Variants in PLA2G5 observed in about 807,000 individuals in gnomAD.
PLA2G5 encodes the protein Ca2+-dependent phospholipase A2.
A neutral mutation model predicts 15.9 loss-of-function variants in PLA2G5; 12 were observed. The ratio of observed to expected loss-of-function variants is 0.76; its 90% CI spans 0.48 to 1.23. The LOEUF is 1.23. Among genes scored for constraint, PLA2G5 ranks in the 50% most tolerant of loss-of-function variants. The pLI is 0.00. For synonymous variants in PLA2G5, 71 were observed against 71.4 expected, an observed-to-expected ratio of 0.99 and a Z score of 0.03; for missense variants, 169 against 177.1, an observed-to-expected ratio of 0.95 and a Z score of 0.26.
At chr1:20,080,990 T>G (rs1393875677) in intron 1 of PLA2G5, among the ~76,000 whole-genome samples, 1 of 151,862 alleles carries the variant, frequency 6.6e-6, no homozygotes, top group Non-Finnish European at 1.5e-5. Flanking sequence ...GCAATGAGGC[T>G]CCGCACTGTG....
intron 1 of PLA2G5, among the ~76,000 whole-genome samples, chr1:20,051,779 A>G (rs530027591): frequency 1.3e-5 from 2 of 152,212 alleles, no homozygotes; most frequent in Admixed American, 6.5e-5. Flanking sequence ...AACTGGCCTC[A>G]TACCTAGTCT....
chr1:20,083,576 G>T (rs1350788413), intron 1 of PLA2G5, among the ~76,000 whole-genome samples: 1 of 151,912 alleles, frequency 6.6e-6, no homozygotes, highest in Non-Finnish European at 1.5e-5. Flanking sequence ...TCAGGTGCTG[G>T]CCTGAGACAC....
intron 3 of PLA2G5, among the ~76,000 whole-genome samples, chr1:20,087,454 C>T (rs543943200): frequency 7.2e-5 from 11 of 151,942 alleles, no homozygotes; most frequent in Middle Eastern, 3.4e-3. Context: ...AGTGCAGTGG[C>T]GCAATCTCGG....
At chr1:20,053,123 G>A (rs1251183033) in intron 1 of PLA2G5, among the ~76,000 whole-genome samples, 12 of 152,144 alleles carry the variant, frequency 7.9e-5, no homozygotes, top group Non-Finnish European at 1.0e-4. Flanking sequence ...TGTCGTGGAT[G>A]TGTGTCATCA....
At chr1:20,067,483 T>C (rs1365605808), upstream of PLA2G5, among the ~76,000 whole-genome samples, 1 of 151,496 alleles carries the variant, frequency 6.6e-6, no homozygotes, top group Non-Finnish European at 1.5e-5. Context: ...AGCTCAGGAG[T>C]TCGAGACCAG....
upstream of PLA2G5, chr1:20,068,945 C>A (rs747060088): frequency 7.8e-7 from 1 of 1,288,980 alleles, no homozygotes; most frequent in South Asian, 1.2e-5. Context: ...CCAGGAAGGA[C>A]CCGGATGGAA....
intron 1 of PLA2G5, among the ~76,000 whole-genome samples, chr1:20,074,056 G>T (rs975859345): frequency 6.6e-6 from 1 of 152,154 alleles, no homozygotes; most frequent in African/African-American, 2.4e-5. Flanking sequence ...GAAAAACAGG[G>T]TGACCTTGGG....
chr1:20,084,244 T>C (rs1050504334), intron 1 of PLA2G5, among the ~76,000 whole-genome samples: 6 of 152,160 alleles, frequency 3.9e-5, no homozygotes, highest in Non-Finnish European at 8.8e-5. Context: ...AGTGGTAGAA[T>C]AGAGGTGTGC....
chr1:20,074,589 G>A (rs1436031899), intron 1 of PLA2G5, among the ~76,000 whole-genome samples: 3 of 152,076 alleles, frequency 2.0e-5, no homozygotes, highest in African/African-American at 4.8e-5. Context: ...AGTCGAGCGG[G>A]GGCATATCCC....
At chr1:20,086,485 A>G (rs1398482335) in intron 3 of PLA2G5, among the ~76,000 whole-genome samples, 3 of 152,166 alleles carry the variant, frequency 2.0e-5, no homozygotes, top group Non-Finnish European at 2.9e-5. Context: ...TGAATCTGCC[A>G]TTTGGGTAGG....
At chr1:20,036,921 T>A (rs2013284012) in intron 1 of PLA2G5, among the ~76,000 whole-genome samples, 1 of 152,200 alleles carries the variant, frequency 6.6e-6, no homozygotes, top group African/African-American at 2.4e-5. Context: ...CACCTCAGCC[T>A]CCCAAACTGC....
intron 1 of PLA2G5, among the ~76,000 whole-genome samples, chr1:20,080,732 G>C (rs2015962054): frequency 6.6e-6 from 1 of 152,026 alleles, no homozygotes; most frequent in African/African-American, 2.4e-5. Context: ...GTGACAGAGA[G>C]GTCTTTAAAA....
chr1:20,059,681 G>C (rs778541033), exon 2 of PLA2G5: 8 of 152,270 alleles, frequency 5.3e-5, no homozygotes, highest in South Asian at 2.1e-4. Flanking sequence ...GATGGCTAAG[G>C]CTTCCTTGCA....
chr1:20,089,578 G>T (rs2016461473), intron 3 of PLA2G5, among the ~76,000 whole-genome samples: 1 of 152,170 alleles, frequency 6.6e-6, no homozygotes, highest in Non-Finnish European at 1.5e-5. Flanking sequence ...TAGTCTAGTC[G>T]TGAGACCAGG....
At chr1:20,036,078 T>C (rs1276765183) in intron 1 of PLA2G5, among the ~76,000 whole-genome samples, 2 of 152,248 alleles carry the variant, frequency 1.3e-5, no homozygotes, top group Non-Finnish European at 2.9e-5. Context: ...CAATCCCTTC[T>C]AGCTTGTAGG....
intron 1 of PLA2G5, among the ~76,000 whole-genome samples, chr1:20,028,956 G>C (rs918276683): frequency 6.6e-6 from 1 of 152,212 alleles, no homozygotes; most frequent in Non-Finnish European, 1.5e-5. Flanking sequence ...ACAGTGTCTA[G>C]GGATGAGTGT....
intron 1 of PLA2G5, among the ~76,000 whole-genome samples, chr1:20,036,114 A>G (rs2013238341): frequency 6.6e-6 from 1 of 152,182 alleles, no homozygotes; most frequent in Non-Finnish European, 1.5e-5. Flanking sequence ...TCTGCTGTTA[A>G]TCTGATAGGT....
intron 1 of PLA2G5, among the ~76,000 whole-genome samples, chr1:20,079,113 CAAAAA>C (rs5772882): frequency 3.9e-5 from 4 of 103,056 alleles, no homozygotes; most frequent in East Asian, 2.7e-4. Flanking sequence ...GACCCTGTCT[CAAAAA>C]AAAAAAAAAA....
intron 1 of PLA2G5, among the ~76,000 whole-genome samples, chr1:20,074,592 C>T (rs550444891): frequency 2.0e-5 from 3 of 152,260 alleles, no homozygotes; most frequent in African/African-American, 7.2e-5. Context: ...CGAGCGGGGG[C>T]ATATCCCACC....
Sources: gnomAD v4.1 joint callset for allele counts (sites outside exome capture counted in the v4.1 genomes callset) on GRCh38, gnomAD v4.1.1 for gene constraint, MANE v1.5 for transcripts, NCBI Gene and HGNC (gene_info 2026-07-23, HGNC 2026-07-21) for gene names.